The following UROS variants were observed in gnomAD, a reference collection of about 807,000 sequenced individuals.
The protein encoded by UROS is uroporphyrinogen-III synthase.
In UROS, 18 loss-of-function variants were observed where a neutral mutation model predicts 33.0. That is an observed-to-expected ratio of 0.55 (90% CI 0.38 to 0.81). The LOEUF (loss-of-function observed/expected upper bound fraction) is 0.81, where lower values mean the gene tolerates loss of function less well. Ranked by LOEUF, UROS falls within the 30% of genes least tolerant of loss-of-function variation. The pLI, the probability that UROS is intolerant of heterozygous loss-of-function variation, is 0.00. For missense variants in UROS, 293 were observed against 314.9 expected (o/e 0.93, Z 0.53); for synonymous variants, 114 against 121.1 (o/e 0.94, Z 0.38).
chr10:125,812,770 A>G (rs545956295), intron 4 of UROS, among the ~76,000 whole-genome samples: 58 of 152,362 alleles, frequency 3.8e-4, no homozygotes, highest in African/African-American at 1.4e-3. Flanking sequence ...CCATTACACC[A>G]AAGTAAAAAT....
chr10:125,786,690 A>G (rs1850640833), downstream of UROS, among the ~76,000 whole-genome samples: 1 of 152,108 alleles, frequency 6.6e-6, no homozygotes. Context: ...GTTCACTCCC[A>G]TCTAGCCACT....
intron 5 of UROS, among the ~76,000 whole-genome samples, chr10:125,810,354 G>A (rs1185174822): frequency 1.3e-5 from 2 of 152,192 alleles, no homozygotes; most frequent in African/African-American, 4.8e-5. Context: ...CCATGTCTTA[G>A]GTAGCCCTCT....
intron 1 of UROS, among the ~76,000 whole-genome samples, chr10:125,817,091 G>A (rs1410950074): frequency 6.6e-6 from 1 of 151,758 alleles, no homozygotes; most frequent in Non-Finnish European, 1.5e-5. Flanking sequence ...GAATACTAAA[G>A]CAATACTGAT....
chr10:125,805,229 A>G (rs1272098504), intron 6 of UROS, among the ~76,000 whole-genome samples: 3 of 152,202 alleles, frequency 2.0e-5, no homozygotes, highest in Non-Finnish European at 4.4e-5. Context: ...GAGGCTCCTT[A>G]AGCCTCTGCC....
At chr10:125,786,720 A>C (rs899689285), downstream of UROS, among the ~76,000 whole-genome samples, 3 of 152,192 alleles carry the variant, frequency 2.0e-5, no homozygotes, top group Admixed American at 2.0e-4. Context: ...AATGATTAAC[A>C]TAATTATTGC....
intron 6 of UROS, chr10:125,802,213 G>C: frequency 1.0e-6 from 1 of 985,490 alleles, no homozygotes; most frequent in Non-Finnish European, 1.2e-6. Context: ...CCCCTGGAGC[G>C]AACCCTCCAC....
At chr10:125,796,524 A>T (rs960795771) in intron 7 of UROS, among the ~76,000 whole-genome samples, 4 of 152,144 alleles carry the variant, frequency 2.6e-5, no homozygotes, top group Non-Finnish European at 5.9e-5. Flanking sequence ...CACTCCATGG[A>T]TCCCACACAG....
At chr10:125,813,349 T>C (rs1376512864) in intron 4 of UROS, among the ~76,000 whole-genome samples, 7 of 152,190 alleles carry the variant, frequency 4.6e-5, no homozygotes, top group Admixed American at 1.3e-4. Context: ...AGAAAATACA[T>C]GGGAAAATGC....
chr10:125,795,119 G>A, intron 8 of UROS, 141 bp from the exon 9 acceptor site: 1 of 743,902 alleles, frequency 1.3e-6, no homozygotes, highest in Non-Finnish European at 2.4e-6. Flanking sequence ...GGCTGATGCT[G>A]GCATCCTCTG....
downstream of UROS, among the ~76,000 whole-genome samples, chr10:125,786,914 C>A (rs1005212918): frequency 3.3e-5 from 5 of 152,238 alleles, no homozygotes; most frequent in African/African-American, 9.6e-5. Flanking sequence ...CCTTCACGTT[C>A]TCAGGAATCT....
intron 6 of UROS, among the ~76,000 whole-genome samples, chr10:125,806,778 C>T (rs1852373946): frequency 6.6e-6 from 1 of 152,152 alleles, no homozygotes; most frequent in African/African-American, 2.4e-5. Flanking sequence ...ACTGGACATT[C>T]AGGGAACAGA....
chr10:125,796,858 G>T (rs78603372), intron 7 of UROS: 1 of 985,402 alleles, frequency 1.0e-6, no homozygotes, highest in Non-Finnish European at 1.2e-6. Context: ...GAAAACTCAG[G>T]CTTCTGAAAA....
chr10:125,807,762 A>G (rs955328075), intron 5 of UROS, among the ~76,000 whole-genome samples: 5 of 152,216 alleles, frequency 3.3e-5, no homozygotes, highest in Non-Finnish European at 7.3e-5. Context: ...AGGGGGAAAA[A>G]CCAACCACAT....
chr10:125,817,207 T>G (rs1356263468), intron 1 of UROS, among the ~76,000 whole-genome samples: 2 of 150,030 alleles, frequency 1.3e-5, no homozygotes, highest in East Asian at 2.0e-4. Flanking sequence ...AACGGGAAGC[T>G]TCTTGTTTAT....
At chr10:125,789,147 A>T in intron 9 of UROS, 142 bp from the exon 10 acceptor site, 1 of 1,425,462 alleles carries the variant, frequency 7.0e-7, no homozygotes, top group South Asian at 1.2e-5. Flanking sequence ...AAATGACAAC[A>T]CTGCCCGATT....
chr10:125,789,100 G>A (rs755942542), intron 9 of UROS, 95 bp from the exon 10 acceptor site: 5 of 1,514,460 alleles, frequency 3.3e-6, no homozygotes, highest in Admixed American at 3.5e-5. Flanking sequence ...AGCCAGCTTT[G>A]CGGTTGGACG....
chr10:125,798,237 G>T, intron 6 of UROS, 92 bp from the exon 7 acceptor site: 1 of 1,329,900 alleles, frequency 7.5e-7, no homozygotes, highest in Non-Finnish European at 1.1e-6. Context: ...GGGGGAAGCA[G>T]CCCTGGGCTC....
intron 6 of UROS, among the ~76,000 whole-genome samples, chr10:125,800,824 C>T (rs1222557655): frequency 6.6e-6 from 1 of 152,152 alleles, no homozygotes; most frequent in African/African-American, 2.4e-5. Context: ...CCTGCCTCGG[C>T]CTCCCAAAGT....
At chr10:125,807,712 T>A (rs539000595) in intron 5 of UROS, among the ~76,000 whole-genome samples, 2 of 152,286 alleles carry the variant, frequency 1.3e-5, no homozygotes, top group South Asian at 4.1e-4. Context: ...AAGTAAGGCC[T>A]TAACTAGCTT....
Sources: allele counts gnomAD v4.1 joint callset (sites outside exome capture counted in the v4.1 genomes callset), GRCh38; gene constraint gnomAD v4.1.1; transcripts MANE v1.5; gene names NCBI Gene and HGNC (gene_info 2026-07-23, HGNC 2026-07-21).